Variants in DNAAF9 observed in about 807,000 individuals in gnomAD.
DNAAF9 encodes shulin.
A neutral mutation model predicts 167.0 loss-of-function variants in DNAAF9; 90 were observed. The observed-to-expected ratio is 0.54, with a 90% CI of 0.45 to 0.64. The LOEUF (loss-of-function observed/expected upper bound fraction) is 0.64. Among genes scored for constraint, DNAAF9 ranks in the 30% least tolerant of loss-of-function variants. DNAAF9 has a pLI of 0.00. For missense variants in DNAAF9, 1,315 were observed against 1,442.2 expected (o/e 0.91, Z 1.43); for synonymous variants, 491 against 508.8 (o/e 0.96, Z 0.47).
intron 7 of DNAAF9, among the ~76,000 whole-genome samples, chr20:3,352,494 C>G (rs1163603030): frequency 6.8e-6 from 1 of 147,678 alleles, no homozygotes; most frequent in Non-Finnish European, 1.5e-5. Flanking sequence ...CCCAGATCTA[C>G]TCTCCTTTTC....
At chr20:3,338,356 C>G (rs879709675) in intron 10 of DNAAF9, among the ~76,000 whole-genome samples, 1 of 152,052 alleles carries the variant, frequency 6.6e-6, no homozygotes, top group African/African-American at 2.4e-5. Context: ...CCTTGTTCCT[C>G]TATAGGTAAG....
intron 25 of DNAAF9, among the ~76,000 whole-genome samples, chr20:3,293,617 G>A (rs1179830500): frequency 2.0e-5 from 3 of 149,506 alleles, no homozygotes; most frequent in African/African-American, 7.4e-5. Context: ...CCCAGGGGGC[G>A]GAGGTTGCAG....
At chr20:3,326,397 A>C in intron 12 of DNAAF9, 113 bp from the exon 13 acceptor site, 1 of 733,546 alleles carries the variant, frequency 1.4e-6, no homozygotes, top group South Asian at 1.7e-5. Flanking sequence ...AGAATGAAAA[A>C]AGGCAAAAAT....
intron 36 of DNAAF9, among the ~76,000 whole-genome samples, chr20:3,253,298 G>A (rs957388474): frequency 2.6e-5 from 4 of 152,162 alleles, no homozygotes; most frequent in Non-Finnish European, 4.4e-5. Context: ...AAAATTAGCC[G>A]GGCACGGCGG....
Position 3,270,412 on chromosome 20 carries a change from G to C in DNAAF9, c.2786+15C>G, listed in dbSNP as rs540376345. On this transcript the variant is annotated intron_variant, in intron 30 of 36. Transcript: ENST00000252032. ...GAGAAAGCAACTGGTCTTGCAGAGT[G>C]AATCTATAGATTACCTGGTGACAAT... The C allele has an allele frequency of 1.9e-6, 3 of 1,611,992 alleles. No homozygotes were observed. The highest frequency in any genetic ancestry group is 3.3e-5 in the Admixed American group (2 of 60,024).
intron 1 of DNAAF9, among the ~76,000 whole-genome samples, chr20:3,390,840 A>C (rs956382258): frequency 3.3e-5 from 5 of 152,208 alleles, no homozygotes; most frequent in African/African-American, 1.2e-4. Context: ...TGTTTAATAG[A>C]AGGCTGATCT....
At chr20:3,329,558 A>T (rs1033180557) in intron 12 of DNAAF9, among the ~76,000 whole-genome samples, 8 of 152,140 alleles carry the variant, frequency 5.3e-5, no homozygotes, top group African/African-American at 1.4e-4. Context: ...CTATAGTATG[A>T]TTATATTTCT....
chr20:3,343,710 G>T lies in DNAAF9; in HGVS notation c.811C>A (p.His271Asn), dbSNP rs1326313598. The T allele has an allele frequency of 6.2e-7, 1 of 1,612,480 alleles. No homozygotes were observed. Among genetic ancestry groups the T allele is most frequent in the Admixed American group, 1.7e-5 (1 of 59,890 alleles). The change falls in exon 9 of 37, where the codon CAT becomes AAT. Residue 271 changes from histidine (H) to asparagine (N), a missense_variant. This residue lies in a region of DNAAF9 where 981 missense variants were observed against 1,012.5 expected (regional missense o/e 0.97). Transcript: ENST00000252032. ...GTTATATGGCTAGAGATCATTCCATGACTGAAATAACTTCTGAATGGCTAA... is the reference window on the plus strand; with the variant it reads ...GTTATATGGCTAGAGATCATTCCATTACTGAAATAACTTCTGAATGGCTAA... ...AGEPFRSYFS[H>N]GMISSHITEN...
chr20:3,295,483 T>C lies in DNAAF9; in HGVS notation c.2019-854A>G, dbSNP rs940187794. ...CGTGAACCACTGCGCCTGACCTTTTTTTTTTTTTTTAAAGAAGCCCAAACA... is the reference window on the plus strand; with the variant it reads ...CGTGAACCACTGCGCCTGACCTTTTCTTTTTTTTTTAAAGAAGCCCAAACA... On this transcript the variant is annotated intron_variant, in intron 23 of 36. Transcript: ENST00000252032. The C allele has an allele frequency of 5.0e-5, 15 of 302,360 alleles. 1 individual carries two copies. Among genetic ancestry groups the C allele is most frequent in the Non-Finnish European group, 8.3e-5 (13 of 156,694 alleles). 18.7% of individuals were successfully genotyped at this position (302,360 alleles called of 1,614,324 possible).
intron 31 of DNAAF9, among the ~76,000 whole-genome samples, chr20:3,264,097 G>A (rs967540266): frequency 2.0e-5 from 3 of 152,232 alleles, no homozygotes; most frequent in South Asian, 2.1e-4. Flanking sequence ...TGTCAGAAGC[G>A]AGTCTCACCT....
At chr20:3,349,913 C>T (rs115647481) in intron 7 of DNAAF9, among the ~76,000 whole-genome samples, 59 of 152,164 alleles carry the variant, frequency 3.9e-4, no homozygotes, top group African/African-American at 1.4e-3. Context: ...GTTAGTCGCC[C>T]AGTCTAGTGC....
rs200494468 is a variant in DNAAF9, at chr20:3,324,848, C to T, written c.1265+44G>A. 5.6e-4 allele frequency: 547 copies of T among 978,780 alleles called. 1 individual carries two copies. Among genetic ancestry groups the T allele is most frequent in the East Asian group, 3.0e-3 (127 of 41,718 alleles). 60.6% of individuals were successfully genotyped at this position (978,780 alleles called of 1,614,324 possible). A position where few individuals can be genotyped will look rare whatever the true frequency, so the allele number is the denominator to read the frequency against. ...TAAGGGAAAAAAGAATATTCCAAAACGAAGAAAAAAAATTCCTTATAAAAA... is the reference window on the plus strand; with the variant it reads ...TAAGGGAAAAAAGAATATTCCAAAATGAAGAAAAAAAATTCCTTATAAAAA... On this transcript the variant is annotated intron_variant, in intron 14 of 36. Coordinates refer to ENST00000252032, the MANE Select transcript of DNAAF9 (RefSeq NM_001009984.3).
At chr20:3,289,414 G>A (rs2068910177) in intron 26 of DNAAF9, among the ~76,000 whole-genome samples, 1 of 152,070 alleles carries the variant, frequency 6.6e-6, no homozygotes, top group South Asian at 2.1e-4. Flanking sequence ...CACTGTACGC[G>A]AGTTTGGGTG....
chr20:3,345,114 G>A (rs2070168408), intron 8 of DNAAF9, among the ~76,000 whole-genome samples: 1 of 152,034 alleles, frequency 6.6e-6, no homozygotes, highest in Non-Finnish European at 1.5e-5. Flanking sequence ...CGCCTCCCAG[G>A]TTCAAGCAAT....
chr20:3,316,415 C>T (rs994274593), intron 18 of DNAAF9, among the ~76,000 whole-genome samples: 1 of 152,170 alleles, frequency 6.6e-6, no homozygotes, highest in African/African-American at 2.4e-5. Context: ...CTTGGCCGGG[C>T]CGTTCAACTC....
At chr20:3,394,956 T>C (rs1212073930) in intron 1 of DNAAF9, among the ~76,000 whole-genome samples, 1 of 25,636 alleles carries the variant, frequency 3.9e-5, no homozygotes, top group African/African-American at 1.7e-4. Flanking sequence ...TTTCTTTTTT[T>C]TTTTTTTTTT....
chr20:3,325,774 T>G (rs2123061200), intron 13 of DNAAF9, among the ~76,000 whole-genome samples: 1 of 152,296 alleles, frequency 6.6e-6, no homozygotes, highest in African/African-American at 2.4e-5. Context: ...GAAAAGCAAG[T>G]CAGATTTTCT....
chr20:3,361,867 T>G, intron 6 of DNAAF9: 2 of 1,461,574 alleles, frequency 1.4e-6, no homozygotes, highest in Non-Finnish European at 1.9e-6. Context: ...GGGCCTGTGG[T>G]TTTTCTTTTT....
chr20:3,332,452 A>C (rs2123082755), intron 10 of DNAAF9, 91 bp from the exon 11 acceptor site: 1 of 684,874 alleles, frequency 1.5e-6, no homozygotes, highest in East Asian at 2.7e-5. Flanking sequence ...AATGGAAATA[A>C]ATTTTCTTTT....
Sources: gnomAD v4.1 joint callset for allele counts (sites outside exome capture counted in the v4.1 genomes callset) on GRCh38, gnomAD v4.1.1 for gene constraint, gnomAD v4.1.1 regional missense constraint, MANE v1.5 for transcripts, NCBI Gene and HGNC (gene_info 2026-07-23, HGNC 2026-07-21) for gene names.